Variants in CENPI observed in about 807,000 individuals in gnomAD.
CENPI encodes the protein centromere protein I, also known as FSH primary response 1.
In CENPI, 4 loss-of-function variants were observed where a neutral mutation model predicts 60.4. That is an observed-to-expected ratio of 0.07 (90% CI 0.03 to 0.15). The LOEUF (loss-of-function observed/expected upper bound fraction) is 0.15, where lower values mean the gene tolerates loss of function less well. Among genes scored for constraint, CENPI ranks in the 10% least tolerant of loss-of-function variants. The pLI, the probability that CENPI is intolerant of heterozygous loss-of-function variation, is 1.00. For synonymous variants in CENPI, 157 were observed against 189.4 expected (o/e 0.83, Z 1.40); for missense variants, 444 against 534.5 (o/e 0.83, Z 1.67).
chrX:101,104,541 C>G (rs1260541125), intron 4 of CENPI, among the ~76,000 whole-genome samples: 2 of 111,193 alleles, frequency 1.8e-5, no homozygotes, highest in South Asian at 3.7e-4. Context: ...TATACTGTAC[C>G]ACATTGCTGC....
At chrX:101,117,924 T>C (rs1464655671) in intron 6 of CENPI, among the ~76,000 whole-genome samples, 1 of 112,354 alleles carries the variant, frequency 8.9e-6, no homozygotes, top group Non-Finnish European at 1.9e-5. Flanking sequence ...GGATATGATG[T>C]CAAAAACATT....
At chrX:101,120,653 A>G in intron 7 of CENPI, 85 bp from the exon 8 acceptor site, 2 of 860,659 alleles carry the variant, frequency 2.3e-6, no homozygotes, top group South Asian at 2.2e-5. Context: ...AAGAAACTGT[A>G]TGAATTGCAT....
intron 15 of CENPI, among the ~76,000 whole-genome samples, chrX:101,139,821 T>TG (rs972246536): frequency 3.0e-4 from 10 of 33,362 alleles, no homozygotes; most frequent in Non-Finnish European, 2.9e-4. Context: ...TTATTGTATG[T>TG]TTTTTTTTTT....
chrX:101,149,351 A>G (rs2089987964), intron 20 of CENPI, among the ~76,000 whole-genome samples: 1 of 111,512 alleles, frequency 9.0e-6, no homozygotes, highest in Admixed American at 9.6e-5. Flanking sequence ...AAATTTATTT[A>G]CAAAACAGGT....
intron 11 of CENPI, among the ~76,000 whole-genome samples, chrX:101,128,238 C>A (rs999246597): frequency 9.0e-6 from 1 of 111,530 alleles, no homozygotes; most frequent in Non-Finnish European, 1.9e-5. Context: ...GGAGGCTAAG[C>A]AGGAGAATTG....
At chrX:101,120,875 TC>T in intron 8 of CENPI, 91 bp downstream of exon 8, 15 of 626,666 alleles carry the variant, frequency 2.4e-5, no homozygotes, top group South Asian at 9.2e-5. Context: ...TAACTCTTGA[TC>T]TTTTTTTTTT....
At chrX:101,173,118 C>T in the CENPI span, among the ~76,000 whole-genome samples, 2 of 96,552 alleles carry the variant, frequency 2.1e-5, no homozygotes, top group African/African-American at 7.9e-5. Context: ...CGGGTTCAAG[C>T]GATTCTCCTG....
Position 101,112,964 on chromosome X carries a change from C to CT in CENPI, c.591+2977dup, listed in dbSNP as rs926457404. On this transcript the variant is annotated intron_variant, in intron 6 of 21. Transcript: ENST00000682095. ...CTTATTTTGAGATATTCTAAATAAG[C>CT]TTTTTTTTTTTCTAAGTGTTCTCTA... 1.6e-3 allele frequency among the ~76,000 whole-genome samples: 163 copies of CT among 103,580 alleles called. 1 individual carries two copies. The highest frequency in any genetic ancestry group is 3.0e-3 in the South Asian group (7 of 2,369). 89.9% of individuals were successfully genotyped at this position (103,580 alleles called of 115,157 possible).
downstream of CENPI, among the ~76,000 whole-genome samples, chrX:101,170,497 A>C (rs2090154276): frequency 8.9e-6 from 1 of 112,321 alleles, no homozygotes; most frequent in East Asian, 2.8e-4. Context: ...GGTAGTTAAT[A>C]TCATACACCA....
At chrX:101,130,724 A>T (rs1370694197) in intron 13 of CENPI, among the ~76,000 whole-genome samples, 2 of 112,069 alleles carry the variant, frequency 1.8e-5, no homozygotes, top group South Asian at 3.7e-4. Flanking sequence ...TGAGCATCAG[A>T]TATGTTCCAG....
intron 8 of CENPI, among the ~76,000 whole-genome samples, chrX:101,124,167 T>A: frequency 9.2e-6 from 1 of 108,782 alleles, no homozygotes; most frequent in East Asian, 2.9e-4. Context: ...TTGGCTCATT[T>A]GATTTTTTTA....
chrX:101,179,210 T>C, the CENPI span, among the ~76,000 whole-genome samples: 1 of 111,930 alleles, frequency 8.9e-6, no homozygotes, highest in Non-Finnish European at 1.9e-5. Flanking sequence ...ACCACCAATA[T>C]GCGTTCTGGT....
chrX:101,125,966 A>G (rs2089730927), intron 8 of CENPI, among the ~76,000 whole-genome samples: 1 of 111,870 alleles, frequency 8.9e-6, no homozygotes, highest in African/African-American at 3.3e-5. Flanking sequence ...GATATTTTCA[A>G]CATAGATAAA....
chrX:101,122,091 C>T (rs774553922), intron 8 of CENPI, among the ~76,000 whole-genome samples: 11 of 111,624 alleles, frequency 9.9e-5, no homozygotes, highest in African/African-American at 2.9e-4. Context: ...AGGTGTGAGC[C>T]GCTGAGTCTG....
Position 101,101,155 on chromosome X carries a change from G to A in CENPI, c.85G>A (p.Ala29Thr). Residue 29 changes from alanine to threonine, a missense_variant, in exon 3 of 22, where the codon GCC (alanine) becomes ACC (threonine). Ala to Thr is a moderately conservative substitution (Grantham distance 58, BLOSUM62 0). Coordinates refer to ENST00000682095, the MANE Select transcript of CENPI (RefSeq NM_001386188.2). ...TAGTAGTTTTCAGACCACGCTTTCA[G>A]CCTGGAAAGTAAAACAGGATCCAAG... ...GSSSFQTTLS[A>T]WKVKQDPSNS... The A allele has an allele frequency of 8.3e-7, 1 of 1,210,967 alleles. No individual in the cohort carries two copies.
chrX:101,155,851 A>C (rs1385705458), intron 20 of CENPI, among the ~76,000 whole-genome samples: 2 of 112,181 alleles, frequency 1.8e-5, no homozygotes, highest in African/African-American at 3.2e-5. Flanking sequence ...TTTAGTTTGG[A>C]AAATAGCTCA....
chrX:101,131,461 G>A (rs772321697), intron 13 of CENPI, among the ~76,000 whole-genome samples: 114 of 111,648 alleles, frequency 1.0e-3, no homozygotes, highest in South Asian at 9.8e-3. Context: ...GAGCAGTCTT[G>A]GAAGGAAAGA....
chrX:101,172,482 A>AT, the CENPI span, among the ~76,000 whole-genome samples: 1 of 111,656 alleles, frequency 9.0e-6, no homozygotes, highest in African/African-American at 3.3e-5. Flanking sequence ...AACATATATT[A>AT]TGACATGGAC....
Position 101,101,294 on chromosome X carries a change from A to G in CENPI, c.224A>G (p.Lys75Arg). The G allele has an allele frequency of 1.8e-6, 2 of 1,135,836 alleles. No individual in the cohort carries two copies. Among genetic ancestry groups the G allele is most frequent in the Non-Finnish European group, 2.4e-6 (2 of 828,025 alleles). 93.6% of individuals were successfully genotyped at this position (1,135,836 alleles called of 1,213,427 possible). A position where few individuals can be genotyped will look rare whatever the true frequency, so the allele number is the denominator to read the frequency against. Residue 75 changes from lysine to arginine, a missense_variant and splice_region_variant, in exon 3 of 22, where the codon AAA becomes AGA. Coordinates refer to ENST00000682095, the MANE Select transcript of CENPI (RefSeq NM_001386188.2). ...CAAATGGCAGTGGGATATTTTGAGA[A>G]AGGTAAAGGTGGATTGTTTTCCTTA... Reference protein sequence around the residue: ...ALQMAVGYFEKGPIKASQNKD... With the variant: ...ALQMAVGYFERGPIKASQNKD...
Sources: gnomAD v4.1 joint callset for allele counts (sites outside exome capture counted in the v4.1 genomes callset) on GRCh38, gnomAD v4.1.1 for gene constraint, MANE v1.5 for transcripts, NCBI Gene and HGNC (gene_info 2026-07-23, HGNC 2026-07-21) for gene names.